SMCHD1: variants seen among roughly 807,000 people sequenced by gnomAD.
SMCHD1 encodes structural maintenance of chromosomes flexible hinge domain containing 1.
In SMCHD1, 78 loss-of-function variants were observed where a neutral mutation model predicts 254.7. The ratio of observed to expected loss-of-function variants is 0.31; its 90% CI spans 0.26 to 0.37. SMCHD1 has a LOEUF of 0.37. Ranked by LOEUF, SMCHD1 falls within the 10% of genes least tolerant of loss-of-function variation. SMCHD1 has a pLI of 1.00. For synonymous variants in SMCHD1, 766 were observed against 794.9 expected (o/e 0.96, Z 0.61); for missense variants, 1,840 against 2,408.1 (o/e 0.76, Z 4.94).
intron 1 of SMCHD1, among the ~76,000 whole-genome samples, chr18:2,658,828 G>GTGTA (rs1173973251): frequency 6.6e-6 from 1 of 150,834 alleles, no homozygotes; most frequent in Admixed American, 6.6e-5. Context: ...ATATATATGT[G>GTGTA]TGTGTGTATA....
chr18:2,751,990 T>G (rs900695875), intron 33 of SMCHD1, among the ~76,000 whole-genome samples: 2 of 152,158 alleles, frequency 1.3e-5, no homozygotes, highest in African/African-American at 4.8e-5. Flanking sequence ...ACACTGTATA[T>G]CAGTTCAGAC....
Position 2,743,788 on chromosome 18 carries a change from G to C in SMCHD1, c.3661G>C (p.Gly1221Arg). The change falls in exon 29 of 48, where the codon GGC (glycine) becomes CGC (arginine). Residue 1221 changes from glycine (G) to arginine (R), a missense_variant. By Grantham distance (125) the Gly-to-Arg change is moderately radical. This residue lies in a region of SMCHD1 where 881 missense variants were observed against 1,009.5 expected (regional missense o/e 0.87). Coordinates refer to ENST00000320876, the MANE Select transcript of SMCHD1 (RefSeq NM_015295.3). ...AAACACACAGAGTATAAGTGTAAGA[G>C]GCATCAAATTTATTCCAGGTCCTCC... Reference protein sequence around the residue: ...QENTQSISVRGIKFIPGPPGN... With the variant: ...QENTQSISVRRIKFIPGPPGN... 1 of 1,612,778 alleles carries C rather than the reference G, an allele frequency of 6.2e-7. No homozygotes were observed. Among genetic ancestry groups the C allele is most frequent in the Non-Finnish European group, 8.5e-7 (1 of 1,179,316 alleles).
In SMCHD1 at chr18:2,683,341, A is replaced by T. The variant is rs141805976; in HGVS notation, c.639-5053A>T. ...TTACACTGTATTTTCTGTTTCATTC[A>T]GTTTAGTCTACTTTTTTCCTTTGCA... On this transcript the variant is annotated intron_variant, in intron 5 of 47. Coordinates refer to ENST00000320876, the MANE Select transcript of SMCHD1 (RefSeq NM_015295.3). Among the ~76,000 whole-genome samples, 627 of 152,126 alleles carry T rather than the reference A, an allele frequency of 4.1e-3. 3 individuals are homozygous for T. The highest frequency in any genetic ancestry group is 0.015 in the African/African-American group (606 of 41,496).
intron 34 of SMCHD1, among the ~76,000 whole-genome samples, chr18:2,759,571 CTT>C (rs61159403): frequency 1.6e-4 from 11 of 69,518 alleles, no homozygotes; most frequent in African/African-American, 5.6e-5. Context: ...TTAATTCTCT[CTT>C]TTTTTTTTTT....
intron 20 of SMCHD1, among the ~76,000 whole-genome samples, chr18:2,723,214 C>G (rs1055825386): frequency 6.6e-6 from 1 of 151,990 alleles, no homozygotes; most frequent in Non-Finnish European, 1.5e-5. Context: ...TTTTAAAGAC[C>G]CTCTTGTTTT....
chr18:2,747,576 T>C lies in SMCHD1; in HGVS notation c.3856T>C (p.Cys1286Arg). 1 of 1,609,982 alleles carries C rather than the reference T, an allele frequency of 6.2e-7. No homozygotes were observed. Among genetic ancestry groups the C allele is most frequent in the Non-Finnish European group, 8.5e-7 (1 of 1,176,802 alleles). Residue 1286 changes from cysteine (C) to arginine (R), a missense_variant, in exon 30 of 48, where the codon TGT becomes CGT. Cys to Arg is a radical substitution (Grantham distance 180). This residue lies in a region of SMCHD1 where 881 missense variants were observed against 1,009.5 expected (regional missense o/e 0.87). Transcript: ENST00000320876. ...DLQNPIIVQLCDQWDNPAPVQ... is the reference protein window; with the variant it reads ...DLQNPIIVQLRDQWDNPAPVQ... ...ACAGAACCCTATTATTGTTCAACTT[T>C]GTGATCAGTGGGATAATCCAGCACC...
At chr18:2,764,583 C>G (rs1261592331) in intron 37 of SMCHD1, among the ~76,000 whole-genome samples, 1 of 152,018 alleles carries the variant, frequency 6.6e-6, no homozygotes, top group Non-Finnish European at 1.5e-5. Flanking sequence ...TCTGTAGATT[C>G]AAAAATAATT....
chr18:2,707,722 G>A (rs964989230), intron 16 of SMCHD1, 77 bp downstream of exon 16: 39 of 1,459,986 alleles, frequency 2.7e-5, no homozygotes, highest in Middle Eastern at 1.8e-4. Context: ...AAAAGGTCAC[G>A]AGATATTAAA....
chr18:2,735,240 A>G (rs992905988), intron 25 of SMCHD1, among the ~76,000 whole-genome samples: 1 of 152,166 alleles, frequency 6.6e-6, no homozygotes, highest in Non-Finnish European at 1.5e-5. Flanking sequence ...ATAAAATCCA[A>G]CATCCCTTAG....
intron 17 of SMCHD1, among the ~76,000 whole-genome samples, chr18:2,708,542 T>C (rs1568197005): frequency 6.6e-6 from 1 of 150,758 alleles, no homozygotes; most frequent in African/African-American, 2.4e-5. Flanking sequence ...AAAAAATAAA[T>C]AAATCACACA....
Position 2,674,045 on chromosome 18 carries a change from G to A in SMCHD1, c.538G>A (p.Val180Ile). Residue 180 changes from valine to isoleucine, a missense_variant, in exon 5 of 48, where the codon GTT becomes ATT. Around this residue, in one of 9 missense-constraint regions of SMCHD1, gnomAD observed 498 missense variants for 743.5 expected, o/e 0.67. Transcript: ENST00000320876. ...TGATGAAACACAAGGAAAACCTGCT[G>A]TTGCAGTGATAGATAATGGAAGAGG... ...LFDETQGKPA[V>I]AVIDNGRGMT... is the part of the protein sequence containing the mutation. 1 of 1,596,914 alleles carries A rather than the reference G, an allele frequency of 6.3e-7. No homozygotes were observed. The highest frequency in any genetic ancestry group is 8.5e-7 in the Non-Finnish European group (1 of 1,170,972).
intron 45 of SMCHD1, among the ~76,000 whole-genome samples, chr18:2,793,363 C>T (rs1198853397): frequency 1.3e-5 from 2 of 152,022 alleles, no homozygotes; most frequent in Non-Finnish European, 2.9e-5. Context: ...ATTTTATGTA[C>T]GTAGAAAACA....
In SMCHD1 at chr18:2,734,651, C is replaced by CTTT. The variant is rs33995854; in HGVS notation, c.3276+2169_3276+2171dup. 5.5e-3 allele frequency among the ~76,000 whole-genome samples: 810 copies of CTTT among 145,990 alleles called. 3 individuals are homozygous for CTTT. Among genetic ancestry groups the CTTT allele is most frequent in the South Asian group, 0.017 (80 of 4,584 alleles). ...GTGGAACTCTTGCTTGCTTATTTTCCTTTTTTTTTTTTAATACAATAAAGA... is the reference window on the plus strand; with the variant it reads ...GTGGAACTCTTGCTTGCTTATTTTCCTTTTTTTTTTTTTTTAATACAATAAAGA... On this transcript the variant is annotated intron_variant, in intron 25 of 47. Transcript: ENST00000320876.
At chr18:2,672,102 C>G (rs1471631844) in intron 3 of SMCHD1, among the ~76,000 whole-genome samples, 1 of 152,156 alleles carries the variant, frequency 6.6e-6, no homozygotes, top group African/African-American at 2.4e-5. Context: ...GGAGTTATTA[C>G]CTTAGCCAGA....
rs78673518 is a variant in SMCHD1 at position 2,692,179 on chromosome 18, C to T, written c.874-2348C>T. On this transcript the variant is annotated intron_variant, in intron 7 of 47. Transcript: ENST00000320876. ...GTGATGAATACCAACTGATCATATCCAGTACACTCATTTCCAGGTTCAATT... is the reference window on the plus strand; with the variant it reads ...GTGATGAATACCAACTGATCATATCTAGTACACTCATTTCCAGGTTCAATT... Among the ~76,000 whole-genome samples the T allele has an allele frequency of 8.4e-3, 1,273 of 152,252 alleles. 9 individuals are homozygous for T. The highest frequency in any genetic ancestry group is 0.014 in the Non-Finnish European group (928 of 68,024).
chr18:2,787,398 A>G (rs1222247919), intron 45 of SMCHD1, among the ~76,000 whole-genome samples: 1 of 152,154 alleles, frequency 6.6e-6, no homozygotes, highest in Non-Finnish European at 1.5e-5. Context: ...ATAGCAGGTA[A>G]TTTCCATTTG....
intron 1 of SMCHD1, among the ~76,000 whole-genome samples, chr18:2,661,717 T>A (rs547280126): frequency 6.6e-6 from 1 of 152,314 alleles, no homozygotes; most frequent in East Asian, 1.9e-4. Flanking sequence ...GTTGCCATTG[T>A]TTGAAGAAGA....
chr18:2,749,025 T>A (rs904615704), intron 30 of SMCHD1, among the ~76,000 whole-genome samples: 1 of 152,116 alleles, frequency 6.6e-6, no homozygotes, highest in Non-Finnish European at 1.5e-5. Flanking sequence ...GTAATTACAG[T>A]TGGAGTTTTT....
intron 25 of SMCHD1, 27 bp from the exon 26 acceptor site, chr18:2,738,370 A>G (rs373396861): frequency 2.2e-5 from 34 of 1,543,782 alleles, no homozygotes; most frequent in Non-Finnish European, 2.8e-5. Flanking sequence ...AAGCTTTATT[A>G]TTGTTAAATA....
Sources: gnomAD v4.1 joint callset for allele counts (sites outside exome capture counted in the v4.1 genomes callset) on GRCh38, gnomAD v4.1.1 for gene constraint, gnomAD v4.1.1 regional missense constraint, MANE v1.5 for transcripts, NCBI Gene and HGNC (gene_info 2026-07-23, HGNC 2026-07-21) for gene names.